Variants in MED23 observed in about 807,000 individuals in gnomAD.
The protein encoded by MED23 is mediator of RNA polymerase II transcription subunit 23.
MED23 carries 105 observed loss-of-function variants against 163.9 expected under a neutral mutation model. The observed-to-expected ratio is 0.64, with a 90% CI of 0.55 to 0.75. The LOEUF (loss-of-function observed/expected upper bound fraction) is 0.75. Among genes scored for constraint, MED23 ranks in the 30% least tolerant of loss-of-function variants. The pLI, the probability that MED23 is intolerant of heterozygous loss-of-function variation, is 0.00. For synonymous variants in MED23, 561 were observed against 565.6 expected (o/e 0.99, Z 0.12); for missense variants, 1,054 against 1,649.0 (o/e 0.64, Z 6.25).
At chr6:131,579,327 G>GA in intron 30 of MED23, 1 of 1,605,538 alleles carries the variant, frequency 6.2e-7, no homozygotes, top group South Asian at 1.1e-5. Context: ...TGGCACAAAG[G>GA]AAGTAACCAA....
chr6:131,592,525 ATCT>A, intron 24 of MED23, 65 bp from the exon 25 acceptor site: 2 of 1,357,548 alleles, frequency 1.5e-6, no homozygotes, highest in Non-Finnish European at 2.1e-6. Flanking sequence ...CTGACAACGG[ATCT>A]TATTTTTAAA....
intron 5 of MED23, among the ~76,000 whole-genome samples, chr6:131,622,916 T>C (rs921479614): frequency 3.9e-5 from 6 of 152,194 alleles, no homozygotes; most frequent in Non-Finnish European, 7.3e-5. Context: ...GTGTATGTTG[T>C]TTTTGGTCAA....
chr6:131,626,541 A>G (rs1777516082), intron 3 of MED23, among the ~76,000 whole-genome samples: 1 of 152,236 alleles, frequency 6.6e-6, no homozygotes. Flanking sequence ...TCATGCTATA[A>G]AAGTGTTTCT....
At chr6:131,616,038 C>A (rs1348978023) in intron 9 of MED23, 36 bp from the exon 10 acceptor site, 3 of 1,477,476 alleles carry the variant, frequency 2.0e-6, no homozygotes, top group South Asian at 1.1e-5. Context: ...GCTTCAAGAT[C>A]AATGTCAACA....
chr6:131,621,524 A>G (rs1466477380), intron 6 of MED23, among the ~76,000 whole-genome samples: 4 of 152,188 alleles, frequency 2.6e-5, no homozygotes, highest in African/African-American at 9.7e-5. Flanking sequence ...ATAACCTTGC[A>G]CATGCTTTAA....
chr6:131,602,431 G>C, intron 16 of MED23, 50 bp from the exon 17 acceptor site: 1 of 1,521,416 alleles, frequency 6.6e-7, no homozygotes, highest in Non-Finnish European at 9.1e-7. Context: ...CAGAATTATG[G>C]AATTAAATCT....
chr6:131,577,522 A>G (rs1223122279), intron 30 of MED23, among the ~76,000 whole-genome samples: 1 of 152,178 alleles, frequency 6.6e-6, no homozygotes, highest in African/African-American at 2.4e-5. Context: ...TAACCAAAAA[A>G]TGGAAACAGC....
chr6:131,592,708 A>G (rs1774736484), intron 24 of MED23: 1 of 599,672 alleles, frequency 1.7e-6, no homozygotes, highest in Admixed American at 3.0e-5. Flanking sequence ...AGAATCTTGA[A>G]ATCTTGAAAA....
chr6:131,591,136 T>A (rs970532356), intron 26 of MED23, among the ~76,000 whole-genome samples, 177 bp downstream of exon 26: 46 of 148,962 alleles, frequency 3.1e-4, no homozygotes, highest in Non-Finnish European at 1.9e-4. Flanking sequence ...ACACACCACA[T>A]GCCCAGCTAA....
intron 10 of MED23, chr6:131,615,370 G>T: frequency 6.2e-7 from 1 of 1,607,364 alleles, no homozygotes; most frequent in South Asian, 1.1e-5. Context: ...GGCAGGACAA[G>T]ACAGGACAGA....
intron 6 of MED23, among the ~76,000 whole-genome samples, chr6:131,621,356 C>A (rs963179283): frequency 1.3e-5 from 2 of 151,964 alleles, no homozygotes; most frequent in Non-Finnish European, 2.9e-5. Context: ...TATATACACA[C>A]ACACAGACAA....
Position 131,579,130 on chromosome 6 carries a change from T to C in MED23, c.4096-4835A>G, listed in dbSNP as rs1415873396. 6.8e-6 allele frequency: 11 copies of C among 1,614,052 alleles called. No homozygotes were observed. The highest frequency in any genetic ancestry group is 7.6e-6 in the Non-Finnish European group (9 of 1,180,006). On this transcript the variant is annotated intron_variant, in intron 30 of 30. Coordinates refer to the MED23 transcript ENST00000354577. ...TTTTAGAGTGTGATGTGAAGGATTA[T>C]GGGGACCTGCCCTTTGCTGACATCC...
chr6:131,602,629 C>T (rs1775569664), intron 16 of MED23, among the ~76,000 whole-genome samples: 1 of 152,074 alleles, frequency 6.6e-6, no homozygotes, highest in Non-Finnish European at 1.5e-5. Flanking sequence ...AAAAATTTCA[C>T]CTGGAGATAC....
rs546069798 is a variant in MED23 at position 131,599,841 on chromosome 6, C to A, written c.2220+197G>T. On this transcript the variant is annotated intron_variant, in intron 18 of 28. Transcript: ENST00000368068. ...CCTTGTGAACCTGAATTCCTGGGCT[C>A]AAGCCATCCCCCTTGCCTCAGCCTC... Among the ~76,000 whole-genome samples the A allele has an allele frequency of 3.3e-4, 50 of 151,846 alleles. 1 individual carries two copies. The highest frequency in any genetic ancestry group is 1.0e-3 in the African/African-American group (43 of 41,390).
At chr6:131,582,027 TAA>T (rs1276312273), downstream of MED23, among the ~76,000 whole-genome samples, 3 of 152,184 alleles carry the variant, frequency 2.0e-5, no homozygotes, top group Non-Finnish European at 4.4e-5. Flanking sequence ...AGTATATCAA[TAA>T]AAAGTTTTTA....
At chr6:131,581,505 C>T in intron 30 of MED23, 1 of 1,152,992 alleles carries the variant, frequency 8.7e-7, no homozygotes, top group Non-Finnish European at 1.2e-6. Flanking sequence ...TTCTCTGCAG[C>T]CAATAAGCAA....
intron 30 of MED23, chr6:131,578,940 G>A (rs185623005): frequency 8.6e-5 from 59 of 682,968 alleles, no homozygotes; most frequent in Middle Eastern, 4.3e-4. Flanking sequence ...GTAACATGAC[G>A]TCAAGCAAAA....
intron 1 of MED23, 58 bp downstream of exon 1, chr6:131,627,953 G>T: frequency 6.2e-7 from 1 of 1,609,252 alleles, no homozygotes. Flanking sequence ...TTGGTCGGCT[G>T]CCCCCGCGTC....
chr6:131,607,267 T>C (rs1170642175), intron 12 of MED23, among the ~76,000 whole-genome samples: 4 of 151,542 alleles, frequency 2.6e-5, no homozygotes, highest in Admixed American at 1.3e-4. Flanking sequence ...AACCCCATCA[T>C]GTTATACCCA....
Sources: gnomAD v4.1 joint callset for allele counts (sites outside exome capture counted in the v4.1 genomes callset) on GRCh38, gnomAD v4.1.1 for gene constraint, MANE v1.5 for transcripts, NCBI Gene and HGNC (gene_info 2026-07-23, HGNC 2026-07-21) for gene names.